The following ZMYM6 variants were observed in gnomAD, a reference collection of about 807,000 sequenced individuals.
ZMYM6 encodes the protein zinc finger MYM-type containing 6.
Under a neutral mutation model 134.0 loss-of-function variants are expected in ZMYM6, and 90 were observed. The observed-to-expected ratio is 0.67, with a 90% CI of 0.57 to 0.80. The LOEUF is 0.80. Among genes scored for constraint, ZMYM6 ranks in the 30% least tolerant of loss-of-function variants. The pLI, the probability that ZMYM6 is intolerant of heterozygous loss-of-function variation, is 0.00. For missense variants in ZMYM6, 1,362 were observed against 1,533.9 expected (o/e 0.89, Z 1.87); for synonymous variants, 481 against 524.1 (o/e 0.92, Z 1.12).
intron 10 of ZMYM6, among the ~76,000 whole-genome samples, chr1:35,009,133 G>A (rs1283127555): frequency 2.2e-4 from 34 of 152,020 alleles, no homozygotes; most frequent in Admixed American, 2.0e-3. Flanking sequence ...AGTCTCACTC[G>A]TTTTGCCCAG....
chr1:35,028,701 G>A (rs549043806), intron 2 of ZMYM6, among the ~76,000 whole-genome samples: 34 of 151,434 alleles, frequency 2.2e-4, no homozygotes, highest in African/African-American at 8.0e-4. Flanking sequence ...GGGTTTCACC[G>A]TGTTAGCCAG....
In ZMYM6 at chr1:35,012,458, A is replaced by T. The variant is rs1162458251; in HGVS notation, c.919T>A (p.Tyr307Asn). Residue 307 changes from tyrosine to asparagine, a missense_variant, in exon 7 of 16, where the codon TAC becomes AAC. By Grantham distance (143) the Tyr-to-Asn change is moderately radical (BLOSUM62 -2). This residue lies in a region of ZMYM6 where 503 missense variants were observed against 520.8 expected (regional missense o/e 0.97). Coordinates refer to ENST00000357182, the MANE Select transcript of ZMYM6 (RefSeq NM_007167.4). ...LFCSINCLSA[Y>N]RVKTVTSSGV... ...GAAGAAGTAACAGTCTTAACTCTGTAAGCAGATAAGCAATTAATAGAGCAG... is the reference window on the plus strand; with the variant it reads ...GAAGAAGTAACAGTCTTAACTCTGTTAGCAGATAAGCAATTAATAGAGCAG... 2.5e-6 allele frequency: 4 copies of T among 1,602,078 alleles called. No individual in the cohort carries two copies. The highest frequency in any genetic ancestry group is 1.7e-4 in the Middle Eastern group (1 of 6,024).
chr1:35,009,951 C>T (rs920728810), intron 10 of ZMYM6, among the ~76,000 whole-genome samples: 2 of 151,728 alleles, frequency 1.3e-5, no homozygotes, highest in Non-Finnish European at 2.9e-5. Flanking sequence ...AATAAACAAA[C>T]AAAAATAATA....
At chr1:34,995,104 C>T (rs942191385) in intron 14 of ZMYM6, among the ~76,000 whole-genome samples, 15 of 134,496 alleles carry the variant, frequency 1.1e-4, no homozygotes, top group East Asian at 6.2e-4. Flanking sequence ...TATGTATATA[C>T]GTAAGTATAT....
chr1:35,020,140 T>C (rs1351678027), intron 3 of ZMYM6, among the ~76,000 whole-genome samples: 1 of 152,194 alleles, frequency 6.6e-6, no homozygotes, highest in African/African-American at 2.4e-5. Context: ...TGGGGATGTA[T>C]GTACAATTTA....
chr1:35,003,139 C>G (rs1640907594), intron 14 of ZMYM6, among the ~76,000 whole-genome samples: 1 of 149,162 alleles, frequency 6.7e-6, no homozygotes. Context: ...TATGATCATG[C>G]CACCGCACTC....
chr1:35,005,290 T>G lies in ZMYM6; in HGVS notation c.1814-18A>C. ...AATATTTACTGATTAAAATAAAAAG[T>G]TAAGATCTGGAATAAGCAAAAGGGT... On this transcript the variant is annotated intron_variant, in intron 12 of 15. Coordinates refer to ENST00000357182, the MANE Select transcript of ZMYM6 (RefSeq NM_007167.4). The G allele has an allele frequency of 6.2e-7, 1 of 1,612,060 alleles. No homozygotes were observed. The highest frequency in any genetic ancestry group is 1.7e-4 in the Middle Eastern group (1 of 6,056).
intron 14 of ZMYM6, among the ~76,000 whole-genome samples, chr1:35,002,753 T>G (rs1473388950): frequency 4.6e-5 from 7 of 152,188 alleles, no homozygotes; most frequent in Non-Finnish European, 1.0e-4. Context: ...CTAACTTTTG[T>G]TCTAAAGTTA....
chr1:35,022,045 G>A (rs1348443999), intron 2 of ZMYM6, among the ~76,000 whole-genome samples: 11 of 152,146 alleles, frequency 7.2e-5, no homozygotes, highest in African/African-American at 2.7e-4. Flanking sequence ...TAGTTCCAAA[G>A]TTACTTTAGA....
intron 8 of ZMYM6, 65 bp from the exon 9 acceptor site, chr1:35,011,101 A>G (rs1325962420): frequency 6.7e-7 from 1 of 1,486,014 alleles, no homozygotes; most frequent in African/African-American, 1.4e-5. Context: ...TGTACTTTTC[A>G]TTTCCTCATT....
Position 35,008,814 on chromosome 1 carries a change from C to T in ZMYM6, c.1603G>A (p.Gly535Ser), listed in dbSNP as rs1641033561. 2.5e-6 allele frequency: 4 copies of T among 1,613,902 alleles called. No individual in the cohort carries two copies. The South Asian group carries it at 3.3e-5, about 13-fold the overall frequency. ...TCACAACAAAACTCTTCTAACTTGC[C>T]CTCCAATCGATTTTCTACCAAATTT... ...SPNLVENRLE[G>S]KLEEFCCEDC... The change falls in exon 11 of 16, where the codon GGC (glycine) becomes AGC (serine). Residue 535 changes from glycine to serine, a missense_variant. Coordinates refer to ENST00000357182, the MANE Select transcript of ZMYM6 (RefSeq NM_007167.4).
chr1:35,014,953 C>A, intron 5 of ZMYM6, 35 bp downstream of exon 5: 1 of 1,609,694 alleles, frequency 6.2e-7, no homozygotes, highest in South Asian at 1.1e-5. Context: ...AAATCTCTTT[C>A]AGCAGAATCC....
intron 1 of ZMYM6, chr1:35,031,523 C>G (rs1292074244): frequency 6.6e-6 from 1 of 152,258 alleles, no homozygotes; most frequent in Non-Finnish European, 1.5e-5. Flanking sequence ...AACTTTTGCG[C>G]ACTCGCCACA....
rs1379818056 is a variant in ZMYM6 at position 34,987,472 on chromosome 1, G to A, written c.3610C>T (p.Pro1204Ser). 1 of 1,613,498 alleles carries A rather than the reference G, an allele frequency of 6.2e-7. No individual in the cohort carries two copies. The highest frequency in any genetic ancestry group is 8.5e-7 in the Non-Finnish European group (1 of 1,179,764). ...LSQVFSDCFPPEQDLRSGNLW... is the reference protein window; with the variant it reads ...LSQVFSDCFPSEQDLRSGNLW... ...TTTCCTGAACGCAAGTCTTGTTCTG[G>A]TGGAAAACAGTCACTGAACACTTGA... Residue 1204 changes from proline to serine, a missense_variant, in exon 16 of 16, where the codon CCA becomes TCA. Physicochemically the swap from Pro to Ser is moderately conservative, Grantham distance 74. Coordinates refer to ENST00000357182, the MANE Select transcript of ZMYM6 (RefSeq NM_007167.4).
At chr1:34,997,177 A>G (rs1219050825) in intron 14 of ZMYM6, among the ~76,000 whole-genome samples, 3 of 152,218 alleles carry the variant, frequency 2.0e-5, no homozygotes, top group African/African-American at 4.8e-5. Flanking sequence ...TTCTTTGCCA[A>G]TCTAATTAAG....
intron 8 of ZMYM6, 72 bp downstream of exon 8, chr1:35,011,818 C>T: frequency 9.3e-7 from 1 of 1,073,240 alleles, no homozygotes; most frequent in Non-Finnish European, 1.3e-6. Flanking sequence ...AACAGGCCTT[C>T]AGCAGTTAAC....
In ZMYM6 at chr1:34,988,133, A is replaced by G. The variant is rs1640605406; in HGVS notation, c.2949T>C (p.Ala983=). ...KHCVGLCTDG[A]ASMTGRYSGL... The stretch of plus-strand genomic sequence containing the variant: ...CAGAATACCTGCCAGTCATGCTTGC[A>G]GCCCCATCGGTACAGAGACCAACAC... Residue 983 remains alanine, a synonymous_variant, in exon 16 of 16, where the codon GCT becomes GCC. Coordinates refer to ENST00000357182, the MANE Select transcript of ZMYM6 (RefSeq NM_007167.4). The G allele has an allele frequency of 6.4e-7, 1 of 1,551,412 alleles. No individual in the cohort carries two copies. The highest frequency in any genetic ancestry group is 8.7e-7 in the Non-Finnish European group (1 of 1,146,976).
chr1:35,019,127 A>G, intron 4 of ZMYM6: 1 of 615,406 alleles, frequency 1.6e-6, no homozygotes, highest in East Asian at 2.8e-5. Flanking sequence ...ATTTCTTTCC[A>G]TAGTAAAATT....
intron 14 of ZMYM6, among the ~76,000 whole-genome samples, chr1:34,998,974 T>C (rs1339222726): frequency 6.6e-6 from 1 of 152,038 alleles, no homozygotes; most frequent in Non-Finnish European, 1.5e-5. Flanking sequence ...ATGTACAAAG[T>C]TAGCCAGACA....
Sources: gnomAD v4.1 joint callset for allele counts (sites outside exome capture counted in the v4.1 genomes callset) on GRCh38, gnomAD v4.1.1 for gene constraint, gnomAD v4.1.1 regional missense constraint, MANE v1.5 for transcripts, NCBI Gene and HGNC (gene_info 2026-07-23, HGNC 2026-07-21) for gene names.